Variants in SPMAP2L observed in about 807,000 individuals in gnomAD.
SPMAP2L encodes the protein sperm microtubule associated protein 2-like.
chr4:56,572,006 C>T, the SPMAP2L span, among the ~76,000 whole-genome samples: 4 of 152,058 alleles, frequency 2.6e-5, no homozygotes, highest in Non-Finnish European at 1.5e-5. Context: ...TCTGAAATAC[C>T]TCCTGAAGGA....
chr4:56,609,174 C>A, the SPMAP2L span, among the ~76,000 whole-genome samples: 1 of 151,338 alleles, frequency 6.6e-6, no homozygotes, highest in Non-Finnish European at 1.5e-5. Context: ...CCCCGAGTAG[C>A]TGGGATTACA....
At chr4:56,596,852 T>C in the SPMAP2L span, among the ~76,000 whole-genome samples, 4 of 152,190 alleles carry the variant, frequency 2.6e-5, no homozygotes, top group Non-Finnish European at 4.4e-5. Context: ...TGGATTCAAA[T>C]TGCAGCCTCG....
the SPMAP2L span, among the ~76,000 whole-genome samples, chr4:56,623,127 T>C: frequency 6.6e-6 from 1 of 152,174 alleles, no homozygotes; most frequent in East Asian, 1.9e-4. Flanking sequence ...TTGATGAGGC[T>C]CCTTTAATTC....
chr4:56,597,298 C>T, the SPMAP2L span, among the ~76,000 whole-genome samples: 4 of 152,110 alleles, frequency 2.6e-5, no homozygotes, highest in South Asian at 2.1e-4. Flanking sequence ...CCGCCCTCAC[C>T]GAGTGGTCTG....
the SPMAP2L span, among the ~76,000 whole-genome samples, chr4:56,600,096 T>TC: frequency 7.3e-6 from 1 of 136,420 alleles, no homozygotes; most frequent in African/African-American, 2.8e-5. Context: ...TTCTTTGCTT[T>TC]CTTTTTTTTT....
the SPMAP2L span, chr4:56,603,323 A>C: frequency 6.5e-7 from 1 of 1,529,636 alleles, no homozygotes; most frequent in Non-Finnish European, 8.8e-7. Flanking sequence ...TTACACGTTA[A>C]ATACAGAAAG....
At chr4:56,600,093 CTTTCT>C in the SPMAP2L span, among the ~76,000 whole-genome samples, 1 of 93,840 alleles carries the variant, frequency 1.1e-5, no homozygotes, top group Non-Finnish European at 2.1e-5. Context: ...TTTTTCTTTG[CTTTCT>C]TTTTTTTTTT....
At chr4:56,571,040 G>T in the SPMAP2L span, among the ~76,000 whole-genome samples, 2 of 151,740 alleles carry the variant, frequency 1.3e-5, no homozygotes, top group Non-Finnish European at 2.9e-5. Context: ...CTGAGCTCAG[G>T]TGATCCACCA....
At chr4:56,534,987 G>C in the SPMAP2L span, among the ~76,000 whole-genome samples, 1 of 152,082 alleles carries the variant, frequency 6.6e-6, no homozygotes, top group East Asian at 1.9e-4. Flanking sequence ...CACCAATGAA[G>C]TCTTCCTGCA....
chr4:56,570,494 TG>T, the SPMAP2L span, among the ~76,000 whole-genome samples: 67 of 152,270 alleles, frequency 4.4e-4, no homozygotes, highest in African/African-American at 1.4e-3. Flanking sequence ...TATAACACAA[TG>T]GTAAGTATTT....
the SPMAP2L span, chr4:56,603,361 T>A: frequency 7.0e-7 from 1 of 1,424,152 alleles, no homozygotes; most frequent in African/African-American, 1.4e-5. Flanking sequence ...TGGTTATGTA[T>A]CTAGAACACA....
chr4:56,581,655 T>TC, the SPMAP2L span, among the ~76,000 whole-genome samples: 1 of 152,050 alleles, frequency 6.6e-6, no homozygotes, highest in Non-Finnish European at 1.5e-5. Flanking sequence ...TTCCTTTTTT[T>TC]CATAGAAATT....
chr4:56,583,206 G>A, the SPMAP2L span, among the ~76,000 whole-genome samples: 2,468 of 152,050 alleles, frequency 0.016, 56 homozygotes, highest in African/African-American at 0.057. Flanking sequence ...CCCAGGAGGC[G>A]GAGGTTAGAG....
chr4:56,587,484 C>A, the SPMAP2L span, among the ~76,000 whole-genome samples: 1 of 148,688 alleles, frequency 6.7e-6, no homozygotes, highest in Non-Finnish European at 1.5e-5. Context: ...CTCTTCCCCC[C>A]CAAGTCCTCA....
the SPMAP2L span, chr4:56,575,624 GAC>G: frequency 6.5e-7 from 1 of 1,535,418 alleles, no homozygotes. Flanking sequence ...GGATTCAAAA[GAC>G]AGTGTCTACT....
At chr4:56,592,328 C>A in the SPMAP2L span, among the ~76,000 whole-genome samples, 1 of 152,186 alleles carries the variant, frequency 6.6e-6, no homozygotes, top group African/African-American at 2.4e-5. Flanking sequence ...TTATAGCATT[C>A]TTTTTTGGTG....
At chr4:56,548,772 A>G in the SPMAP2L span, 1 of 1,482,696 alleles carries the variant, frequency 6.7e-7, no homozygotes, top group Admixed American at 2.3e-5. Context: ...TTTTGCTTTT[A>G]CTTTTGTTTT....
At chr4:56,596,057 C>T in the SPMAP2L span, among the ~76,000 whole-genome samples, 1,368 of 152,304 alleles carry the variant, frequency 9.0e-3, 14 homozygotes, top group African/African-American at 0.032. Context: ...ACTTAATAGA[C>T]ATTTTTTTGT....
At chr4:56,530,761 G>C in the SPMAP2L span, 1 of 1,535,352 alleles carries the variant, frequency 6.5e-7, no homozygotes, top group Non-Finnish European at 8.7e-7. Context: ...CACTTGCTCC[G>C]AAGTCTTCCA....
Sources: gnomAD v4.1 joint callset for allele counts (sites outside exome capture counted in the v4.1 genomes callset) on GRCh38, gnomAD v4.1.1 for gene constraint, MANE v1.5 for transcripts, NCBI Gene and HGNC (gene_info 2026-07-23, HGNC 2026-07-21) for gene names.